The following SSBP1 variants were observed in gnomAD, a reference collection of about 807,000 sequenced individuals.
SSBP1 encodes single stranded DNA binding protein 1, also known as single-stranded DNA-binding protein, mitochondrial.
SSBP1 carries 20 observed loss-of-function variants against 27.0 expected under a neutral mutation model. The ratio of observed to expected loss-of-function variants is 0.74; its 90% CI spans 0.52 to 1.08. SSBP1 has a LOEUF of 1.08. SSBP1 is among the 50% of genes least tolerant of loss of function. The pLI is 0.00. For synonymous variants in SSBP1, 59 were observed against 59.3 expected (o/e 1.00, Z 0.02); for missense variants, 137 against 182.4 (o/e 0.75, Z 1.44).
At chr7:141,745,441 T>C in intron 5 of SSBP1, 55 bp from the exon 6 acceptor site, 1 of 1,467,692 alleles carries the variant, frequency 6.8e-7, no homozygotes, top group Non-Finnish European at 9.3e-7. Flanking sequence ...CTGACCTGAC[T>C]CTTATAAAGC....
chr7:141,739,227 C>T (rs778867242), intron 2 of SSBP1, 37 bp downstream of exon 2: 23 of 1,523,608 alleles, frequency 1.5e-5, no homozygotes, highest in Middle Eastern at 1.7e-4. Flanking sequence ...AGATGTATTA[C>T]TATCAGCCAC....
At chr7:141,744,503 G>C (rs963223824) in intron 5 of SSBP1, among the ~76,000 whole-genome samples, 5 of 152,172 alleles carry the variant, frequency 3.3e-5, no homozygotes, top group Admixed American at 6.5e-5. Context: ...GGAAGGCTTG[G>C]ATTGAGTATG....
intron 3 of SSBP1, 52 bp downstream of exon 3, chr7:141,742,281 C>A: frequency 1.4e-6 from 2 of 1,404,976 alleles, no homozygotes; most frequent in Non-Finnish European, 2.0e-6. Context: ...ATTTGCCAAT[C>A]TCAAATGTGT....
intron 5 of SSBP1, 89 bp from the exon 6 acceptor site, chr7:141,745,407 C>A (rs75394543): frequency 9.2e-7 from 1 of 1,084,736 alleles, no homozygotes; most frequent in African/African-American, 1.6e-5. Flanking sequence ...TATATTTCAT[C>A]CTTGTCATAT....
intron 2 of SSBP1, chr7:141,740,397 C>G (rs1340918978): frequency 6.6e-6 from 1 of 152,150 alleles, no homozygotes; most frequent in African/African-American, 2.4e-5. Context: ...CCCATCTTTA[C>G]AGGAGCTCTT....
Position 141,750,339 on chromosome 7 carries a change from G to A in SSBP1, c.432G>A (p.Thr144=), listed in dbSNP as rs372546486. 5.7e-5 allele frequency: 91 copies of A among 1,599,228 alleles called. No individual in the cohort carries two copies. The highest frequency in any genetic ancestry group is 3.3e-4 in the African/African-American group (24 of 73,770). Residue 144 remains threonine (T), a synonymous_variant, in exon 7 of 7, where the codon ACG becomes ACA. Coordinates refer to ENST00000265304, the MANE Select transcript of SSBP1 (RefSeq NM_003143.3). The part of the protein sequence containing the change: ...ADNIIFLSDQ[T]KEKE ...ATATTATATTTCTGAGTGACCAGACGAAAGAGAAGGAGTAGAAAGGATGAT... is the reference window on the plus strand; with the variant it reads ...ATATTATATTTCTGAGTGACCAGACAAAAGAGAAGGAGTAGAAAGGATGAT...
intron 6 of SSBP1, chr7:141,746,089 C>T (rs1296587371): frequency 2.2e-5 from 11 of 501,926 alleles, no homozygotes; most frequent in African/African-American, 1.5e-4. Flanking sequence ...GGCACAATCT[C>T]GGCTCATTGC....
Position 141,750,414 on chromosome 7 carries a change from T to C in SSBP1, c.*60T>C. On this transcript the variant is annotated 3_prime_UTR_variant, in exon 7 of 7. Transcript: ENST00000265304. ...AGTCTCATTTCCAAGTCATGTATAATCTTTATGGCTTCCAAGGACAAGAAT... is the reference window on the plus strand; with the variant it reads ...AGTCTCATTTCCAAGTCATGTATAACCTTTATGGCTTCCAAGGACAAGAAT... The C allele has an allele frequency of 7.5e-7, 1 of 1,336,498 alleles. No homozygotes were observed. The highest frequency in any genetic ancestry group is 1.0e-6 in the Non-Finnish European group (1 of 971,828). 82.8% of individuals were successfully genotyped at this position (1,336,498 alleles called of 1,614,324 possible).
intron 6 of SSBP1, among the ~76,000 whole-genome samples, chr7:141,748,793 T>C (rs1799872078): frequency 6.6e-6 from 1 of 152,234 alleles, no homozygotes; most frequent in African/African-American, 2.4e-5. Flanking sequence ...ATCTGTTTTA[T>C]TGGTGATTTT....
rs1381139120 is a variant in SSBP1 at position 141,742,292 on chromosome 7, T to TG, written c.85+64dup. On this transcript the variant is annotated intron_variant, in intron 3 of 6. Transcript: ENST00000265304. The stretch of plus-strand genomic sequence containing the variant: ...AGTAATTTGCCAATCTCAAATGTGT[T>TG]GTAGAAGAGGTATGCTGCTTGGGTT... 6 of 1,282,908 alleles carry TG rather than the reference T, an allele frequency of 4.7e-6. No individual in the cohort carries two copies. The South Asian group carries it at 4.8e-5, about 10-fold the overall frequency. 79.5% of individuals were successfully genotyped at this position (1,282,908 alleles called of 1,614,324 possible). A position where few individuals can be genotyped will look rare whatever the true frequency, so the allele number is the denominator to read the frequency against.
Position 141,743,571 on chromosome 7 carries a change from T to C in SSBP1, c.96T>C (p.Arg32=). Residue 32 remains arginine, a synonymous_variant, in exon 4 of 7, where the codon CGT becomes CGC. Coordinates refer to ENST00000265304, the MANE Select transcript of SSBP1 (RefSeq NM_003143.3). ...TSLVLERSLN[R]VHLLGRVGQD... ...GATGTTGTGTTTCAGCCCTGAATCG[T>C]GTGCACTTACTTGGGCGAGTGGGTC... 1.9e-6 allele frequency: 3 copies of C among 1,614,130 alleles called. No individual in the cohort carries two copies. Among genetic ancestry groups the C allele is most frequent in the Non-Finnish European group, 2.5e-6 (3 of 1,180,018 alleles).
chr7:141,743,030 A>AT (rs767803913), intron 3 of SSBP1, among the ~76,000 whole-genome samples: 16 of 151,932 alleles, frequency 1.1e-4, no homozygotes, highest in South Asian at 8.3e-4. Flanking sequence ...AATTTTTTGT[A>AT]TTTTAGTAGA....
chr7:141,746,052 ACT>A (rs2117189056), intron 6 of SSBP1: 1 of 868,968 alleles, frequency 1.2e-6, no homozygotes, highest in Non-Finnish European at 1.4e-6. Flanking sequence ...CCAGAATCTC[ACT>A]CTGTCACCCA....
chr7:141,740,308 T>G (rs1011423903), intron 2 of SSBP1: 1 of 152,234 alleles, frequency 6.6e-6, no homozygotes, highest in Non-Finnish European at 1.5e-5. Context: ...GCTTTTTATA[T>G]TAACAGTACT....
intron 6 of SSBP1, among the ~76,000 whole-genome samples, chr7:141,749,043 C>T (rs1284412884): frequency 1.3e-5 from 2 of 152,092 alleles, no homozygotes; most frequent in Non-Finnish European, 2.9e-5. Context: ...CTCCATGTCC[C>T]TTGTTTCTGC....
intron 6 of SSBP1, among the ~76,000 whole-genome samples, chr7:141,746,975 C>T (rs1799813706): frequency 6.6e-6 from 1 of 151,898 alleles, no homozygotes; most frequent in African/African-American, 2.4e-5. Context: ...TTTTTATTTT[C>T]CCCTCAGAAG....
intron 6 of SSBP1, among the ~76,000 whole-genome samples, chr7:141,746,923 G>C (rs1357120862): frequency 3.3e-5 from 5 of 152,068 alleles, no homozygotes; most frequent in Admixed American, 6.5e-5. Context: ...TCAGCATTTG[G>C]AAATTTTCCA....
At position 141,744,068 on chromosome 7, in the gene SSBP1, G is replaced by A; in HGVS notation, c.314+79G>A. ...GAAGTGTTCTCATGGCAAGGAGTGT[G>A]TAGTCTCTTAAATCCCTGAGTACTA... On this transcript the variant is annotated intron_variant, in intron 5 of 6. Coordinates refer to ENST00000265304, the MANE Select transcript of SSBP1 (RefSeq NM_003143.3). 2 of 1,296,460 alleles carry A rather than the reference G, an allele frequency of 1.5e-6. 1 individual carries two copies. Among genetic ancestry groups the A allele is most frequent in the South Asian group, 2.8e-5 (2 of 72,028 alleles). 80.3% of individuals were successfully genotyped at this position (1,296,460 alleles called of 1,614,324 possible).
At chr7:141,748,883 T>C (rs1799874013) in intron 6 of SSBP1, among the ~76,000 whole-genome samples, 1 of 152,198 alleles carries the variant, frequency 6.6e-6, no homozygotes, top group South Asian at 2.1e-4. Flanking sequence ...ACAGTGATAT[T>C]AATTCGAGTA....
Sources: gnomAD v4.1 joint callset for allele counts (sites outside exome capture counted in the v4.1 genomes callset) on GRCh38, gnomAD v4.1.1 for gene constraint, MANE v1.5 for transcripts, NCBI Gene and HGNC (gene_info 2026-07-23, HGNC 2026-07-21) for gene names.